Variants in CPNE4 observed in about 807,000 individuals in gnomAD.
CPNE4 encodes the protein copine-4.
Under a neutral mutation model 67.9 loss-of-function variants are expected in CPNE4, and 25 were observed. The ratio of observed to expected loss-of-function variants is 0.37; its 90% confidence interval spans 0.27 to 0.51. The LOEUF (loss-of-function observed/expected upper bound fraction) is 0.51. CPNE4 is among the 20% of genes least tolerant of loss of function. The probability of loss-of-function intolerance (pLI) is 0.93; values close to 1 mark genes in which losing one functional copy is unlikely to be tolerated. For synonymous variants in CPNE4, 242 were observed against 244.9 expected (o/e 0.99, Z 0.11); for missense variants, 464 against 690.8 (o/e 0.67, Z 3.68).
intron 1 of CPNE4, among the ~76,000 whole-genome samples, chr3:131,963,580 C>A (rs932299064): frequency 6.6e-6 from 1 of 152,176 alleles, no homozygotes; most frequent in Non-Finnish European, 1.5e-5. Context: ...ATTACTGAGG[C>A]TTGAGTAGGT....
At chr3:131,955,689 G>A (rs141162410) in intron 1 of CPNE4, among the ~76,000 whole-genome samples, 4 of 152,066 alleles carry the variant, frequency 2.6e-5, no homozygotes, top group Admixed American at 6.6e-5. Context: ...CCGCAGTGCC[G>A]TTTCCTCTTA....
chr3:131,591,064 A>G (rs555762617), intron 7 of CPNE4, among the ~76,000 whole-genome samples: 15 of 152,308 alleles, frequency 9.8e-5, no homozygotes, highest in Non-Finnish European at 1.0e-4. Context: ...TTACAATCAG[A>G]TATTTTTCTC....
chr3:131,888,858 G>C (rs542770712), intron 2 of CPNE4, among the ~76,000 whole-genome samples: 1 of 152,152 alleles, frequency 6.6e-6, no homozygotes, highest in African/African-American at 2.4e-5. Context: ...CAGACACTTA[G>C]AGAATTGTTA....
intron 6 of CPNE4, among the ~76,000 whole-genome samples, chr3:131,684,284 A>G (rs2080830338): frequency 6.6e-6 from 1 of 152,178 alleles, no homozygotes; most frequent in African/African-American, 2.4e-5. Context: ...TGTTTCACAT[A>G]AGGAAACTTA....
At chr3:131,971,325 C>T (rs6766128) in intron 1 of CPNE4, among the ~76,000 whole-genome samples, 58,605 of 151,588 alleles carry the variant, frequency 0.39, 12,796 homozygotes, top group African/African-American at 0.61. Context: ...TGAATTTCAC[C>T]AGTCAAAGAA....
intron 1 of CPNE4, among the ~76,000 whole-genome samples, chr3:132,007,170 C>T (rs1447753722): frequency 1.3e-5 from 2 of 152,118 alleles, no homozygotes; most frequent in Non-Finnish European, 2.9e-5. Context: ...GTTCTAGTAA[C>T]AGAAAACAGG....
chr3:131,751,365 G>C (rs1187273927), intron 2 of CPNE4, among the ~76,000 whole-genome samples: 1 of 151,788 alleles, frequency 6.6e-6, no homozygotes, highest in East Asian at 1.9e-4. Context: ...GATCAGATTA[G>C]GTATTTCTAT....
At chr3:131,903,421 A>C (rs76447987) in intron 2 of CPNE4, among the ~76,000 whole-genome samples, 9 of 150,598 alleles carry the variant, frequency 6.0e-5, no homozygotes, top group South Asian at 2.1e-4. Flanking sequence ...GAAAAAAAAA[A>C]CAGACAAACT....
At chr3:131,858,264 A>C (rs2107660374) in intron 2 of CPNE4, among the ~76,000 whole-genome samples, 1 of 152,246 alleles carries the variant, frequency 6.6e-6, no homozygotes, top group East Asian at 1.9e-4. Flanking sequence ...CTTTCCTGCC[A>C]TTCAACCCTA....
In CPNE4 at chr3:131,904,268, C is replaced by T. The variant is rs371051948; in HGVS notation, c.180+996G>A. ...CTTATGAGCTTGTAGGCCCCCAGCC[C>T]GTTCCTCCTATTTCTGCCATCCCCA... On this transcript the variant is annotated intron_variant, in intron 2 of 15. Transcript: ENST00000429747. Among the ~76,000 whole-genome samples the T allele has an allele frequency of 4.6e-5, 7 of 152,178 alleles. No individual in the cohort carries two copies. The East Asian group carries it at 7.8e-4, about 17-fold the overall frequency.
At chr3:131,633,433 G>T (rs2079286720) in intron 7 of CPNE4, among the ~76,000 whole-genome samples, 1 of 152,082 alleles carries the variant, frequency 6.6e-6, no homozygotes, top group South Asian at 2.1e-4. Context: ...CTAGACTAAA[G>T]AGCCGGTCTC....
intron 1 of CPNE4, among the ~76,000 whole-genome samples, chr3:131,946,751 C>T (rs979219781): frequency 6.6e-6 from 1 of 151,998 alleles, no homozygotes; most frequent in Admixed American, 6.6e-5. Context: ...AATTTGTTTA[C>T]TTTGTTTAGT....
At chr3:131,694,799 A>G (rs998260030) in intron 5 of CPNE4, among the ~76,000 whole-genome samples, 16 of 152,212 alleles carry the variant, frequency 1.1e-4, no homozygotes, top group African/African-American at 3.9e-4. Context: ...AGACAAGCTC[A>G]TCCACAAGCT....
upstream of CPNE4, among the ~76,000 whole-genome samples, chr3:132,035,921 G>T (rs913009147): frequency 2.2e-4 from 33 of 152,122 alleles, no homozygotes; most frequent in African/African-American, 7.0e-4. Flanking sequence ...CTATTAAGGG[G>T]CTATCTAACA....
At chr3:131,712,196 A>C (rs2081575176) in intron 3 of CPNE4, among the ~76,000 whole-genome samples, 1 of 152,208 alleles carries the variant, frequency 6.6e-6, no homozygotes, top group African/African-American at 2.4e-5. Context: ...GGGTCTTATT[A>C]TGATGTTTTG....
intron 1 of CPNE4, among the ~76,000 whole-genome samples, chr3:132,033,647 C>A (rs191162997): frequency 2.0e-5 from 3 of 152,242 alleles, no homozygotes; most frequent in Admixed American, 6.5e-5. Context: ...TCCGCCAAGG[C>A]GCCCTGGGGC....
chr3:131,572,744 T>C (rs780205329), intron 10 of CPNE4, among the ~76,000 whole-genome samples: 1 of 152,066 alleles, frequency 6.6e-6, no homozygotes, highest in Non-Finnish European at 1.5e-5. Flanking sequence ...AAGGGTCACA[T>C]AATGTGCCAA....
At chr3:131,656,431 G>C (rs914410770) in intron 7 of CPNE4, among the ~76,000 whole-genome samples, 1 of 152,090 alleles carries the variant, frequency 6.6e-6, no homozygotes, top group Non-Finnish European at 1.5e-5. Flanking sequence ...GATAAGAGGG[G>C]TATTTTTCTA....
intron 1 of CPNE4, among the ~76,000 whole-genome samples, chr3:132,000,053 CAA>C (rs10566178): frequency 0.27 from 40,291 of 148,706 alleles, 6,299 homozygotes; most frequent in African/African-American, 0.44. Context: ...AGGAAATAGG[CAA>C]AAAAAAAAAA....
Sources: allele counts gnomAD v4.1 joint callset (sites outside exome capture counted in the v4.1 genomes callset), GRCh38; gene constraint gnomAD v4.1.1; transcripts MANE v1.5; gene names NCBI Gene and HGNC (gene_info 2026-07-23, HGNC 2026-07-21).